Variants in NRXN3 observed in about 807,000 individuals in gnomAD.
NRXN3 encodes neurexin III.
A neutral mutation model predicts 137.6 loss-of-function variants in NRXN3; 32 were observed. The observed-to-expected ratio is 0.23, with a 90% CI of 0.18 to 0.31. NRXN3 has a LOEUF of 0.31. Among genes scored for constraint, NRXN3 ranks in the 10% least tolerant of loss-of-function variants. The pLI, the probability that NRXN3 is intolerant of heterozygous loss-of-function variation, is 1.00. For missense variants in NRXN3, 1,574 were observed against 2,062.5 expected, an observed-to-expected ratio of 0.76 and a Z score of 4.59; for synonymous variants, 798 against 784.5, an observed-to-expected ratio of 1.02 and a Z score of -0.29.
chr14:78,833,393 T>C (rs780204089), intron 10 of NRXN3, among the ~76,000 whole-genome samples: 50 of 152,164 alleles, frequency 3.3e-4, no homozygotes, highest in Non-Finnish European at 6.2e-4. Context: ...TCTCCTGTTG[T>C]CATCTCTAGG....
At chr14:78,624,247 C>G (rs1216487682) in intron 4 of NRXN3, among the ~76,000 whole-genome samples, 1 of 152,182 alleles carries the variant, frequency 6.6e-6, no homozygotes, top group African/African-American at 2.4e-5. Flanking sequence ...ATGGAGCATA[C>G]CCTCCAAAAA....
chr14:78,466,822 A>C (rs1046753692), intron 4 of NRXN3, among the ~76,000 whole-genome samples: 2 of 152,190 alleles, frequency 1.3e-5, no homozygotes, highest in Non-Finnish European at 2.9e-5. Context: ...TTACGGTGTG[A>C]ACATGAGGAT....
chr14:78,915,662 C>T (rs1166180921), intron 10 of NRXN3, among the ~76,000 whole-genome samples: 1 of 152,054 alleles, frequency 6.6e-6, no homozygotes, highest in African/African-American at 2.4e-5. Context: ...TCAGAGTTAC[C>T]CTCTGTGCAG....
intron 6 of NRXN3, among the ~76,000 whole-genome samples, chr14:78,680,485 G>A (rs753208327): frequency 1.7e-4 from 26 of 152,138 alleles, no homozygotes; most frequent in Non-Finnish European, 3.1e-4. Flanking sequence ...CTGTGATTCA[G>A]AATTTTGGAT....
At chr14:79,206,638 T>C (rs2066835034) in intron 15 of NRXN3, among the ~76,000 whole-genome samples, 1 of 152,222 alleles carries the variant, frequency 6.6e-6, no homozygotes, top group African/African-American at 2.4e-5. Flanking sequence ...TCCAATACCT[T>C]TTCTAATGAG....
chr14:78,177,426 G>C (rs1248762451), intron 1 of NRXN3, among the ~76,000 whole-genome samples: 1 of 151,970 alleles, frequency 6.6e-6, no homozygotes, highest in Non-Finnish European at 1.5e-5. Context: ...TGGATTCTGA[G>C]AAGCAAGGAA....
intron 4 of NRXN3, among the ~76,000 whole-genome samples, chr14:78,433,139 A>G (rs1242596250): frequency 6.6e-6 from 1 of 152,096 alleles, no homozygotes; most frequent in African/African-American, 2.4e-5. Flanking sequence ...GCTCAGGCCT[A>G]TTGTTGGCCA....
chr14:79,062,103 A>G (rs1384888391), intron 15 of NRXN3, among the ~76,000 whole-genome samples: 2 of 152,160 alleles, frequency 1.3e-5, no homozygotes, highest in African/African-American at 4.8e-5. Flanking sequence ...GCTATTTGGT[A>G]TCTTCAAGGG....
chr14:78,679,998 A>G (rs1385790482), intron 6 of NRXN3, among the ~76,000 whole-genome samples: 2 of 152,134 alleles, frequency 1.3e-5, no homozygotes, highest in Non-Finnish European at 2.9e-5. Context: ...AACACTAATA[A>G]TGACTAATCT....
intron 19 of NRXN3, among the ~76,000 whole-genome samples, chr14:79,738,511 T>C (rs1393745990): frequency 6.6e-6 from 1 of 152,202 alleles, no homozygotes; most frequent in African/African-American, 2.4e-5. Flanking sequence ...ATGATACTAA[T>C]TTCAAATTTC....
intron 15 of NRXN3, among the ~76,000 whole-genome samples, chr14:79,432,198 A>G (rs958213530): frequency 2.0e-5 from 3 of 152,168 alleles, no homozygotes; most frequent in Non-Finnish European, 4.4e-5. Context: ...ACTTCGGATT[A>G]TGACATCCTA....
chr14:79,480,278 G>T (rs1438039602), intron 16 of NRXN3, among the ~76,000 whole-genome samples: 1 of 152,112 alleles, frequency 6.6e-6, no homozygotes, highest in Non-Finnish European at 1.5e-5. Flanking sequence ...AGGTTAACAG[G>T]TTTTCATGTT....
intron 8 of NRXN3, among the ~76,000 whole-genome samples, chr14:78,802,453 C>T (rs181036132): frequency 2.0e-5 from 3 of 152,218 alleles, no homozygotes; most frequent in African/African-American, 4.8e-5. Flanking sequence ...TCAATGGGTG[C>T]AGCACACCAA....
At chr14:79,365,562 A>G (rs575967047) in intron 15 of NRXN3, among the ~76,000 whole-genome samples, 3 of 150,418 alleles carry the variant, frequency 2.0e-5, no homozygotes, top group Non-Finnish European at 4.4e-5. Flanking sequence ...TACTAAAAAT[A>G]TAAAAAATTA....
At chr14:79,097,281 G>A (rs905867163) in intron 15 of NRXN3, among the ~76,000 whole-genome samples, 6 of 152,116 alleles carry the variant, frequency 3.9e-5, no homozygotes, top group African/African-American at 1.4e-4. Context: ...TCATATCCCA[G>A]TTTTGAGAAA....
intron 8 of NRXN3, among the ~76,000 whole-genome samples, chr14:78,789,854 C>T (rs2098800112): frequency 6.6e-6 from 1 of 151,920 alleles, no homozygotes; most frequent in African/African-American, 2.4e-5. Context: ...TCATCTATAC[C>T]TTTGTATAGA....
intron 6 of NRXN3, among the ~76,000 whole-genome samples, chr14:78,667,881 T>C (rs1043408735): frequency 1.3e-5 from 2 of 152,152 alleles, no homozygotes; most frequent in Non-Finnish European, 2.9e-5. Flanking sequence ...CCTCCCAGGT[T>C]CAGGTGATTC....
rs551781844 is a variant in NRXN3 at position 79,391,807 on chromosome 14, G to A, written c.3263-75414G>A. On this transcript the variant is annotated intron_variant, in intron 15 of 20. Coordinates refer to ENST00000335750, the MANE Select transcript of NRXN3 (RefSeq NM_001330195.2). ...TGATTTCTACAAAGTGATTGCATAT[G>A]CTGTTGCCTCTTTTCAACTGCACAT... 5.3e-5 allele frequency among the ~76,000 whole-genome samples: 8 copies of A among 152,296 alleles called. No individual in the cohort carries two copies. In the East Asian group the frequency reaches 1.4e-3, roughly 26 times the overall value.
intron 15 of NRXN3, among the ~76,000 whole-genome samples, chr14:79,163,472 C>T (rs990104276): frequency 1.3e-5 from 2 of 151,970 alleles, no homozygotes; most frequent in Admixed American, 1.3e-4. Flanking sequence ...CTAATGAAGT[C>T]ATTGGTCACA....
Sources: gnomAD v4.1 joint callset for allele counts (sites outside exome capture counted in the v4.1 genomes callset) on GRCh38, gnomAD v4.1.1 for gene constraint, MANE v1.5 for transcripts, NCBI Gene and HGNC (gene_info 2026-07-23, HGNC 2026-07-21) for gene names.